Variants in RDX observed in about 807,000 individuals in gnomAD.
The protein encoded by RDX is radixin, also known as deafness, autosomal recessive 24.
A neutral mutation model predicts 83.7 loss-of-function variants in RDX; 32 were observed. The ratio of observed to expected loss-of-function variants is 0.38; its 90% CI spans 0.29 to 0.51. The LOEUF (loss-of-function observed/expected upper bound fraction) is 0.51. Among genes scored for constraint, RDX ranks in the 20% least tolerant of loss-of-function variants. The probability of loss-of-function intolerance (pLI) is 0.87; values close to 1 mark genes in which losing one functional copy is unlikely to be tolerated. For missense variants in RDX, 600 were observed against 689.9 expected, an observed-to-expected ratio of 0.87 and a Z score of 1.46; for synonymous variants, 229 against 222.7, an observed-to-expected ratio of 1.03 and a Z score of -0.25.
intron 10 of RDX, among the ~76,000 whole-genome samples, chr11:110,247,214 G>A (rs906711109): frequency 3.3e-5 from 5 of 151,986 alleles, no homozygotes; most frequent in African/African-American, 4.8e-5. Context: ...GTTATAACAC[G>A]TCTATGTGTT....
At chr11:110,207,221 G>A (rs190795124) in intron 14 of RDX, among the ~76,000 whole-genome samples, 157 of 152,176 alleles carry the variant, frequency 1.0e-3, no homozygotes, top group African/African-American at 3.2e-3. Flanking sequence ...TGATCCGCCC[G>A]CCTCAGCCTT....
At chr11:110,207,788 C>T (rs1008241049) in intron 14 of RDX, among the ~76,000 whole-genome samples, 4 of 152,146 alleles carry the variant, frequency 2.6e-5, no homozygotes, top group Non-Finnish European at 5.9e-5. Flanking sequence ...GGGACAGAGA[C>T]AACTGGCCTG....
chr11:110,213,115 G>C, intron 14 of RDX, among the ~76,000 whole-genome samples: 1 of 151,954 alleles, frequency 6.6e-6, no homozygotes, highest in Non-Finnish European at 1.5e-5. Flanking sequence ...ATCTCCTTAA[G>C]CTGATAAGCA....
At chr11:110,218,950 GT>G (rs1270392466) in intron 14 of RDX, among the ~76,000 whole-genome samples, 3 of 152,136 alleles carry the variant, frequency 2.0e-5, no homozygotes, top group Non-Finnish European at 4.4e-5. Context: ...GCATATACCA[GT>G]GTACACAACA....
intron 13 of RDX, 83 bp downstream of exon 13, chr11:110,233,154 T>C: frequency 6.5e-7 from 1 of 1,547,664 alleles, no homozygotes; most frequent in African/African-American, 1.4e-5. Flanking sequence ...AAAACTTCTA[T>C]ATTCTTTTTA....
intron 15 of RDX, among the ~76,000 whole-genome samples, chr11:110,178,246 G>A (rs1187882369): frequency 2.6e-5 from 4 of 152,204 alleles, no homozygotes; most frequent in African/African-American, 9.6e-5. Context: ...AAGCAAGGGG[G>A]CCCTCTCTTC....
intron 14 of RDX, among the ~76,000 whole-genome samples, chr11:110,220,495 C>A (rs1277721982): frequency 6.6e-6 from 1 of 152,096 alleles, no homozygotes; most frequent in African/African-American, 2.4e-5. Flanking sequence ...ATCATGGTGC[C>A]TCACAGCTAT....
intron 1 of RDX, among the ~76,000 whole-genome samples, chr11:110,290,884 G>A (rs761112161): frequency 1.2e-4 from 18 of 152,182 alleles, no homozygotes; most frequent in Admixed American, 2.6e-4. Context: ...AATTTGCCAA[G>A]TATTTTAACA....
chr11:110,221,073 A>T (rs1259619001), intron 14 of RDX, among the ~76,000 whole-genome samples: 1 of 152,150 alleles, frequency 6.6e-6, no homozygotes, highest in Non-Finnish European at 1.5e-5. Context: ...TGGCTAAAAC[A>T]GCAATGGCAA....
intron 2 of RDX, among the ~76,000 whole-genome samples, chr11:110,276,367 ACTCAATAT>A (rs1337441367): frequency 6.6e-6 from 1 of 152,092 alleles, no homozygotes; most frequent in African/African-American, 2.4e-5. Context: ...CAATTAAACT[ACTCAATAT>A]CATATTGTCT....
chr11:110,283,068 T>C (rs1346041624), intron 1 of RDX, among the ~76,000 whole-genome samples: 1 of 152,222 alleles, frequency 6.6e-6, no homozygotes, highest in Non-Finnish European at 1.5e-5. Flanking sequence ...ACCAGAATGA[T>C]TATATTCTAA....
intron 15 of RDX, among the ~76,000 whole-genome samples, chr11:110,198,394 T>C (rs1180831513): frequency 6.6e-6 from 1 of 152,210 alleles, no homozygotes; most frequent in Non-Finnish European, 1.5e-5. Context: ...ACCTAGCTTA[T>C]TAACCAATTC....
At chr11:110,243,145 A>AT (rs1865166401) in intron 10 of RDX, among the ~76,000 whole-genome samples, 1 of 152,226 alleles carries the variant, frequency 6.6e-6, no homozygotes, top group African/African-American at 2.4e-5. Flanking sequence ...GCTTACTGAC[A>AT]GCATTTCAGA....
intron 9 of RDX, among the ~76,000 whole-genome samples, chr11:110,249,179 T>TGG (rs1859229495): frequency 6.6e-6 from 1 of 152,196 alleles, no homozygotes. Flanking sequence ...TGAATCAATA[T>TGG]TCAAATCACT....
intron 5 of RDX, among the ~76,000 whole-genome samples, chr11:110,260,429 T>C (rs899637390): frequency 6.6e-6 from 1 of 152,168 alleles, no homozygotes; most frequent in Non-Finnish European, 1.5e-5. Flanking sequence ...TTCCATGATA[T>C]AATACTCTTC....
intron 14 of RDX, among the ~76,000 whole-genome samples, chr11:110,220,290 C>T (rs1165923780): frequency 6.6e-6 from 1 of 152,128 alleles, no homozygotes; most frequent in Non-Finnish European, 1.5e-5. Context: ...ATTAACATTT[C>T]CAATATGCCA....
In RDX at chr11:110,178,602, A is replaced by C. The variant is rs577310576; in HGVS notation, c.*32-3368T>G. Among the ~76,000 whole-genome samples, 36 of 152,348 alleles carry C rather than the reference A, an allele frequency of 2.4e-4. No individual in the cohort carries two copies. In the South Asian group the frequency reaches 7.3e-3, roughly 31 times the overall value. ...TCACAGAGAAGGTGGCCTTGGACCT[A>C]AGTCCCAAAGGTTGATAGATTTTGG... On this transcript the variant is annotated intron_variant, in intron 15 of 15. Coordinates refer to the RDX transcript ENST00000528498.
intron 14 of RDX, among the ~76,000 whole-genome samples, chr11:110,217,129 C>T (rs537842108): frequency 6.6e-6 from 1 of 152,342 alleles, no homozygotes; most frequent in South Asian, 2.1e-4. Flanking sequence ...TAGCCTTTTC[C>T]TCCTTCAGGT....
chr11:110,258,427 T>C (rs561970413), intron 5 of RDX, among the ~76,000 whole-genome samples: 1 of 152,318 alleles, frequency 6.6e-6, no homozygotes, highest in South Asian at 2.1e-4. Flanking sequence ...TGTAATATTG[T>C]ACTGTAGTTA....
Sources: gnomAD v4.1 joint callset for allele counts (sites outside exome capture counted in the v4.1 genomes callset) on GRCh38, gnomAD v4.1.1 for gene constraint, MANE v1.5 for transcripts, NCBI Gene and HGNC (gene_info 2026-07-23, HGNC 2026-07-21) for gene names.